Variants in HEATR6 observed in about 807,000 individuals in gnomAD.
The protein encoded by HEATR6 is HEAT repeat containing 6.
HEATR6 carries 106 observed loss-of-function variants against 132.8 expected under a neutral mutation model. That is an observed-to-expected ratio of 0.80 (90% CI 0.68 to 0.94). The LOEUF is 0.94. Among genes scored for constraint, HEATR6 ranks in the 40% least tolerant of loss-of-function variants. HEATR6 has a pLI of 0.00. For missense variants in HEATR6, 1,339 were observed against 1,425.1 expected (o/e 0.94, Z 0.97); for synonymous variants, 529 against 537.8 (o/e 0.98, Z 0.23).
At position 60,070,705 on chromosome 17, in the gene HEATR6, C is replaced by T. The variant is rs549716418; in HGVS notation, c.801+1G>A. 13 of 1,559,676 alleles carry T rather than the reference C, an allele frequency of 8.3e-6. No homozygotes were observed. The highest frequency in any genetic ancestry group is 4.5e-5 in the South Asian group (4 of 89,866). On this transcript the variant is annotated splice_donor_variant, in intron 6 of 19. Transcript: ENST00000184956. LOFTEE classifies it high-confidence loss of function. ...AATGATCATATGAAGACTTGCCTTA[C>T]CTTTAGCACAGCTAAAAGTGCTCCA... is the stretch of plus-strand genomic sequence containing the variant.
At position 60,050,994 on chromosome 17, in the gene HEATR6, G is replaced by A; in HGVS notation, c.2290-17C>T. 1 of 1,613,836 alleles carries A rather than the reference G, an allele frequency of 6.2e-7. No individual in the cohort carries two copies. The highest frequency in any genetic ancestry group is 8.5e-7 in the Non-Finnish European group (1 of 1,179,870). The stretch of plus-strand genomic sequence containing the variant: ...CATCACCACCTGGAACGGAGGCAAA[G>A]TAAAAGCTGCAGCCCAAGACATAAC... On this transcript the variant is annotated splice_polypyrimidine_tract_variant and intron_variant, in intron 14 of 19. Coordinates refer to ENST00000184956, the MANE Select transcript of HEATR6 (RefSeq NM_022070.5).
At chr17:60,058,698 G>A (rs1449633111) in intron 11 of HEATR6, among the ~76,000 whole-genome samples, 1 of 152,216 alleles carries the variant, frequency 6.6e-6, no homozygotes, top group Non-Finnish European at 1.5e-5. Context: ...TCATGGCCAT[G>A]AGATGGCAAA....
intron 3 of HEATR6, 100 bp downstream of exon 3, chr17:60,073,646 T>C (rs1252986300): frequency 2.6e-6 from 3 of 1,153,656 alleles, no homozygotes; most frequent in Middle Eastern, 2.3e-4. Context: ...TGAATAAGAA[T>C]TGCTAGAGAT....
At chr17:60,055,324 A>G (rs1166212673) in intron 14 of HEATR6, among the ~76,000 whole-genome samples, 191 bp downstream of exon 14, 1 of 152,224 alleles carries the variant, frequency 6.6e-6, no homozygotes, top group Admixed American at 6.5e-5. Flanking sequence ...GCCTACCACA[A>G]ACTAAACTGC....
intron 17 of HEATR6, among the ~76,000 whole-genome samples, chr17:60,047,950 A>AT (rs1906427763): frequency 6.6e-6 from 1 of 152,222 alleles, no homozygotes; most frequent in Non-Finnish European, 1.5e-5. Context: ...ACTTTAAGAA[A>AT]TTTTTTTAAA....
chr17:60,069,751 T>A lies in HEATR6; in HGVS notation c.899A>T (p.Lys300Ile), dbSNP rs2083261222. 3 of 1,613,968 alleles carry A rather than the reference T, an allele frequency of 1.9e-6. No homozygotes were observed. Among genetic ancestry groups the A allele is most frequent in the Non-Finnish European group, 2.5e-6 (3 of 1,179,986 alleles). The change falls in exon 7 of 20, where the codon AAA becomes ATA. Residue 300 changes from lysine (K) to isoleucine (I), a missense_variant. By Grantham distance (102) the Lys-to-Ile change is moderately radical (BLOSUM62 -3). Transcript: ENST00000184956. Reference protein sequence around the residue: ...LPQYDGRTPIKPQQSESSASR... With the variant: ...LPQYDGRTPIIPQQSESSASR... Reference sequence around the variant, plus strand: ...AGCACTGGATTCTGATTGCTGTGGTTTGATAGGTGTTCGCCCATCATACTG... The same window carrying A: ...AGCACTGGATTCTGATTGCTGTGGTATGATAGGTGTTCGCCCATCATACTG...
chr17:60,049,930 T>A (rs531742344), intron 15 of HEATR6, among the ~76,000 whole-genome samples: 5 of 152,356 alleles, frequency 3.3e-5, no homozygotes, highest in Admixed American at 3.3e-4. Flanking sequence ...TTAACCTTTA[T>A]TAAAGTTGCC....
In HEATR6 at chr17:60,042,192, A is replaced by G. The variant is rs1906190507; in HGVS notation, c.*1371T>C. Among the ~76,000 whole-genome samples the G allele has an allele frequency of 6.6e-6, 1 of 152,280 alleles. No individual in the cohort carries two copies. Among genetic ancestry groups the G allele is most frequent in the Admixed American group, 6.5e-5 (1 of 15,292 alleles). On this transcript the variant is annotated 3_prime_UTR_variant, in exon 20 of 20. Transcript: ENST00000184956. The stretch of plus-strand genomic sequence containing the variant: ...CTAAAGAGCATCAGGAAATGTAGGT[A>G]GAAGTCAATGTTGTAGCCTAGGTTA...
chr17:60,070,002 T>C (rs1282896717), intron 6 of HEATR6, among the ~76,000 whole-genome samples, 154 bp from the exon 7 acceptor site: 1 of 152,162 alleles, frequency 6.6e-6, no homozygotes, highest in East Asian at 1.9e-4. Context: ...ATAAATGAGA[T>C]AGAAAATAGA....
intron 7 of HEATR6, among the ~76,000 whole-genome samples, chr17:60,068,731 T>G (rs1383853389): frequency 6.6e-6 from 1 of 151,822 alleles, no homozygotes; most frequent in Non-Finnish European, 1.5e-5. Flanking sequence ...AAACACTCAT[T>G]CCTCCTTGTC....
chr17:60,048,983 A>ATATATAT (rs1491095262), intron 16 of HEATR6, among the ~76,000 whole-genome samples: 13 of 69,546 alleles, frequency 1.9e-4, no homozygotes, highest in African/African-American at 1.0e-3. Flanking sequence ...ATATATATAT[A>ATATATAT]ATATATATAT....
rs1906251589 is a variant in HEATR6 at position 60,043,469 on chromosome 17, G to A, written c.*94C>T. 7 of 1,053,994 alleles carry A rather than the reference G, an allele frequency of 6.6e-6. No individual in the cohort carries two copies. Among genetic ancestry groups the A allele is most frequent in the East Asian group, 2.4e-5 (1 of 42,104 alleles). 65.3% of individuals were successfully genotyped at this position (1,053,994 alleles called of 1,614,324 possible). ...ATTCTAAATAAATAGTGAACGGATT[G>A]TTTCTGCCCCTAAGATGAAATCCCA... is the stretch of plus-strand genomic sequence containing the variant. On this transcript the variant is annotated 3_prime_UTR_variant, in exon 20 of 20. Coordinates refer to ENST00000184956, the MANE Select transcript of HEATR6 (RefSeq NM_022070.5).
rs2083261611 is a variant in HEATR6 at position 60,069,811 on chromosome 17, T to C, written c.839A>G (p.Glu280Gly). ...MFHGLPGLNIEMPTVLYPTPL... is the reference protein window; with the variant it reads ...MFHGLPGLNIGMPTVLYPTPL... ...AGTTGGGTATAACACCGTGGGCATC[T>C]CTATGTTTAGTCCAGGGAGTCCGTG... Residue 280 changes from glutamate to glycine, a missense_variant, in exon 7 of 20, where the codon GAG becomes GGG. Coordinates refer to ENST00000184956, the MANE Select transcript of HEATR6 (RefSeq NM_022070.5). 1 of 1,614,108 alleles carries C rather than the reference T, an allele frequency of 6.2e-7. No homozygotes were observed. Among genetic ancestry groups the C allele is most frequent in the Non-Finnish European group, 8.5e-7 (1 of 1,180,016 alleles).
intron 6 of HEATR6, 146 bp downstream of exon 6, chr17:60,070,560 G>A (rs1282211298): frequency 4.0e-6 from 2 of 502,722 alleles, no homozygotes; most frequent in East Asian, 6.2e-5. Context: ...AAGTGTCTTT[G>A]AATATGAACA....
Position 60,076,160 on chromosome 17 carries a change from C to A in HEATR6, c.297G>T (p.Gln99His). The change falls in exon 2 of 20, where the codon CAG becomes CAT. Residue 99 changes from glutamine (Q) to histidine (H), a missense_variant. Gln to His is a conservative substitution (Grantham distance 24). Coordinates refer to ENST00000184956, the MANE Select transcript of HEATR6 (RefSeq NM_022070.5). ...NQNHLVSKVS[Q>H]LIHHLLNRLQ... ...ATCTGTTAAGTAAATGGTGGATAAG[C>A]TGGCTCACTTTGCTGACAAGATGAT... 1.2e-6 allele frequency: 2 copies of A among 1,610,526 alleles called. No individual in the cohort carries two copies. Among genetic ancestry groups the A allele is most frequent in the South Asian group, 1.1e-5 (1 of 91,020 alleles).
intron 2 of HEATR6, 164 bp downstream of exon 2, chr17:60,075,966 A>T (rs576962072): frequency 2.1e-6 from 1 of 468,222 alleles, no homozygotes; most frequent in African/African-American, 2.0e-5. Flanking sequence ...ATTTTTTTGG[A>T]TCAGAGTTAT....
In HEATR6 at chr17:60,046,066, T is replaced by C; in HGVS notation, c.2933A>G (p.Tyr978Cys). The C allele has an allele frequency of 6.2e-7, 1 of 1,614,096 alleles. No homozygotes were observed. The highest frequency in any genetic ancestry group is 1.3e-5 in the African/African-American group (1 of 75,072). ...ATTTTTAAATACATTTCCCATTGCA[T>C]AACAAGCATTCCATCGGACTTTCAT... Reference protein sequence around the residue: ...AAMKVRWNACYAMGNVFKNPA... With the variant: ...AAMKVRWNACCAMGNVFKNPA... Residue 978 changes from tyrosine to cysteine, a missense_variant, in exon 19 of 20, where the codon TAT becomes TGT. Coordinates refer to ENST00000184956, the MANE Select transcript of HEATR6 (RefSeq NM_022070.5).
chr17:60,068,029 T>C (rs1214953169), intron 7 of HEATR6, among the ~76,000 whole-genome samples: 1 of 152,264 alleles, frequency 6.6e-6, no homozygotes, highest in Non-Finnish European at 1.5e-5. Flanking sequence ...TTAGCCTCTC[T>C]TGAGCTTGAC....
intron 6 of HEATR6, among the ~76,000 whole-genome samples, chr17:60,070,370 C>G (rs539963825): frequency 6.6e-6 from 1 of 152,020 alleles, no homozygotes; most frequent in Admixed American, 6.6e-5. Context: ...CTGTCTACTA[C>G]TTGGAGGAGA....
Sources: allele counts gnomAD v4.1 joint callset (sites outside exome capture counted in the v4.1 genomes callset), GRCh38; gene constraint gnomAD v4.1.1; transcripts MANE v1.5; gene names NCBI Gene and HGNC (gene_info 2026-07-23, HGNC 2026-07-21).